Variants in TENM2 observed in about 807,000 individuals in gnomAD.
TENM2 encodes teneurin transmembrane protein 2, also known as teneurin-2.
In TENM2, 52 loss-of-function variants were observed where a neutral mutation model predicts 245.2. The observed-to-expected ratio is 0.21, with a 90% CI of 0.17 to 0.27. The LOEUF (loss-of-function observed/expected upper bound fraction) is 0.27. Ranked by LOEUF, TENM2 falls within the 10% of genes least tolerant of loss-of-function variation. TENM2 has a pLI of 1.00. For synonymous variants in TENM2, 1,363 were observed against 1,438.9 expected (o/e 0.95, Z 1.19); for missense variants, 3,046 against 3,666.8 (o/e 0.83, Z 4.37).
chr5:167,633,384 G>T (rs1374757324), intron 2 of TENM2, among the ~76,000 whole-genome samples: 3 of 151,874 alleles, frequency 2.0e-5, no homozygotes, highest in Non-Finnish European at 4.4e-5. Flanking sequence ...GTTGCCACAG[G>T]CTTCCAGAAA....
At chr5:167,824,010 C>T (rs1461643948) in intron 2 of TENM2, among the ~76,000 whole-genome samples, 1 of 152,080 alleles carries the variant, frequency 6.6e-6, no homozygotes, top group Non-Finnish European at 1.5e-5. Context: ...TTACCTAATT[C>T]AGGTTTGTGA....
the TENM2 span, among the ~76,000 whole-genome samples, chr5:166,980,709 T>G: frequency 6.6e-6 from 1 of 152,154 alleles, no homozygotes; most frequent in African/African-American, 2.4e-5. Flanking sequence ...AAAAATGAAC[T>G]AATATAATGG....
At chr5:167,146,518 C>T in the TENM2 span, among the ~76,000 whole-genome samples, 2 of 152,164 alleles carry the variant, frequency 1.3e-5, no homozygotes, top group South Asian at 2.1e-4. Context: ...AAGTACTCTG[C>T]GGAGTGGAAA....
intron 4 of TENM2, among the ~76,000 whole-genome samples, chr5:167,978,472 A>G (rs1341103561): frequency 3.3e-5 from 5 of 152,244 alleles, no homozygotes; most frequent in Non-Finnish European, 5.9e-5. Flanking sequence ...ACATGCTACA[A>G]TGGGGATGAA....
intron 1 of TENM2, among the ~76,000 whole-genome samples, chr5:167,294,642 C>G (rs1754842288): frequency 6.6e-6 from 1 of 152,044 alleles, no homozygotes; most frequent in Non-Finnish European, 1.5e-5. Context: ...TCAGAGGCCA[C>G]AAAATTAATG....
At chr5:167,502,639 T>A (rs78074362) in intron 2 of TENM2, among the ~76,000 whole-genome samples, 1 of 152,198 alleles carries the variant, frequency 6.6e-6, no homozygotes, top group East Asian at 1.9e-4. Flanking sequence ...GATAAGTTAT[T>A]TCTCTTCTTT....
At chr5:167,493,363 A>G (rs927615015) in intron 2 of TENM2, among the ~76,000 whole-genome samples, 24 of 152,158 alleles carry the variant, frequency 1.6e-4, no homozygotes, top group African/African-American at 5.8e-4. Flanking sequence ...AGCATGGACC[A>G]TGGAGCTTAA....
chr5:167,957,467 A>G (rs1404504278), intron 4 of TENM2, among the ~76,000 whole-genome samples: 3 of 151,948 alleles, frequency 2.0e-5, no homozygotes, highest in South Asian at 2.1e-4. Context: ...TCATGTCTCT[A>G]TCTCCTTCAG....
chr5:167,725,476 G>A (rs899606792), intron 2 of TENM2, among the ~76,000 whole-genome samples: 6 of 152,060 alleles, frequency 3.9e-5, no homozygotes, highest in East Asian at 1.9e-4. Flanking sequence ...CGCTGACCAC[G>A]TGCTGCCTCT....
intron 2 of TENM2, among the ~76,000 whole-genome samples, chr5:167,716,954 CTATTT>C (rs1020938974): frequency 1.8e-4 from 15 of 81,842 alleles, no homozygotes; most frequent in African/African-American, 2.5e-4. Flanking sequence ...CTATTCTATT[CTATTT>C]TATTTTATTT....
Position 167,618,252 on chromosome 5 carries a change from C to T in TENM2, c.502+242779C>T, listed in dbSNP as rs557546383. On this transcript the variant is annotated intron_variant, in intron 2 of 28. Transcript: ENST00000518659. The stretch of plus-strand genomic sequence containing the variant: ...TTGAGCAGAACCACTTGTCCAGGGT[C>T]ACTCATAGTTGGCTTGTGGGTGGGT... Among the ~76,000 whole-genome samples the T allele has an allele frequency of 2.6e-5, 4 of 152,212 alleles. No homozygotes were observed. The South Asian group carries it at 8.3e-4, about 32-fold the overall frequency.
chr5:166,998,640 G>A, the TENM2 span, among the ~76,000 whole-genome samples: 2 of 152,164 alleles, frequency 1.3e-5, no homozygotes, highest in African/African-American at 2.4e-5. Flanking sequence ...AGAAGCTGGA[G>A]GAGAAATGTA....
intron 25 of TENM2, among the ~76,000 whole-genome samples, chr5:168,238,244 GA>G (rs1018912380): frequency 7.7e-6 from 1 of 129,252 alleles, no homozygotes; most frequent in African/African-American, 2.9e-5. Flanking sequence ...GAAAAGAAAA[GA>G]AAAGAAAAGA....
the TENM2 span, among the ~76,000 whole-genome samples, chr5:167,257,656 C>T: frequency 2.6e-3 from 385 of 150,942 alleles, 1 homozygote; most frequent in African/African-American, 9.0e-3. Flanking sequence ...GCAAAGAAAA[C>T]CCCCAAAAGC....
At chr5:167,262,405 GGC>G in the TENM2 span, among the ~76,000 whole-genome samples, 10 of 150,946 alleles carry the variant, frequency 6.6e-5, no homozygotes, top group East Asian at 3.9e-4. Context: ...TTTTTGGGGG[GGC>G]GGTGCACAAT....
At chr5:167,343,249 G>C (rs1443796052) in intron 1 of TENM2, among the ~76,000 whole-genome samples, 1 of 151,986 alleles carries the variant, frequency 6.6e-6, no homozygotes, top group Non-Finnish European at 1.5e-5. Context: ...TGTATTTCTT[G>C]TCCCTATCCC....
chr5:168,084,936 G>A (rs1187924105), intron 7 of TENM2, among the ~76,000 whole-genome samples: 1 of 152,168 alleles, frequency 6.6e-6, no homozygotes, highest in Non-Finnish European at 1.5e-5. Context: ...ATTGTGAGGG[G>A]CCTTAACAAA....
intron 2 of TENM2, among the ~76,000 whole-genome samples, chr5:167,608,822 G>A (rs971715020): frequency 1.3e-5 from 2 of 152,172 alleles, no homozygotes; most frequent in Non-Finnish European, 2.9e-5. Context: ...GGTACTGAAA[G>A]CTTGTCAGAT....
intron 2 of TENM2, among the ~76,000 whole-genome samples, chr5:167,845,579 C>G (rs2151179427): frequency 6.6e-6 from 1 of 152,180 alleles, no homozygotes; most frequent in African/African-American, 2.4e-5. Flanking sequence ...ATGCTTAAAA[C>G]AGCTGGCATA....
Sources: allele counts gnomAD v4.1 joint callset (sites outside exome capture counted in the v4.1 genomes callset), GRCh38; gene constraint gnomAD v4.1.1; transcripts MANE v1.5; gene names NCBI Gene and HGNC (gene_info 2026-07-23, HGNC 2026-07-21).